PCDHA9: variants seen among roughly 807,000 people sequenced by gnomAD.
PCDHA9 encodes the protein protocadherin alpha-9.
In PCDHA9, 62 loss-of-function variants were observed where a neutral mutation model predicts 62.0. The observed-to-expected ratio is 1.00, with a 90% CI of 0.81 to 1.23. The LOEUF is 1.23. Among genes scored for constraint, PCDHA9 ranks in the 50% most tolerant of loss-of-function variants. PCDHA9 has a pLI of 0.00. For missense variants in PCDHA9, 1,205 were observed against 1,249.8 expected (o/e 0.96, Z 0.54); for synonymous variants, 557 against 567.6 (o/e 0.98, Z 0.27).
intron 1 of PCDHA9, among the ~76,000 whole-genome samples, chr5:140,915,626 G>GTTTCTC (rs149393620): frequency 6.8e-6 from 1 of 146,436 alleles, no homozygotes; most frequent in African/African-American, 2.5e-5. Context: ...GTCTCTTTCT[G>GTTTCTC]TCTCTCTCTC....
intron 1 of PCDHA9, 126 bp downstream of exon 1, chr5:140,851,015 G>A: frequency 2.1e-6 from 3 of 1,432,294 alleles, no homozygotes; most frequent in Non-Finnish European, 1.8e-6. Context: ...TTTTTTTTCT[G>A]ATAAAGTAAA....
At chr5:140,983,583 CT>C (rs2153831802) in intron 3 of PCDHA9, among the ~76,000 whole-genome samples, 1 of 152,306 alleles carries the variant, frequency 6.6e-6, no homozygotes, top group African/African-American at 2.4e-5. Context: ...TTTATTACAT[CT>C]ATTCTACATA....
chr5:140,889,923 C>T (rs1225073810), intron 1 of PCDHA9, among the ~76,000 whole-genome samples: 1 of 152,184 alleles, frequency 6.6e-6, no homozygotes, highest in African/African-American at 2.4e-5. Flanking sequence ...TGTAAAGAAG[C>T]TCAAGCTGGA....
chr5:140,850,940 A>G (rs2150503150), intron 1 of PCDHA9, 51 bp downstream of exon 1: 2 of 1,507,156 alleles, frequency 1.3e-6, no homozygotes, highest in East Asian at 2.3e-5. Context: ...TTCTTGAAAG[A>G]TATTATCGAT....
intron 3 of PCDHA9, among the ~76,000 whole-genome samples, chr5:140,993,009 G>C (rs1228975075): frequency 3.9e-5 from 6 of 152,172 alleles, no homozygotes; most frequent in Non-Finnish European, 8.8e-5. Flanking sequence ...CCTCCCCAGA[G>C]TCCAGCATCC....
intron 1 of PCDHA9, among the ~76,000 whole-genome samples, chr5:140,959,868 C>A (rs532801353): frequency 8.5e-5 from 13 of 152,248 alleles, no homozygotes; most frequent in African/African-American, 2.9e-4. Flanking sequence ...GTAGCAAAAT[C>A]TGTCAAGGAA....
intron 1 of PCDHA9, among the ~76,000 whole-genome samples, chr5:140,871,878 C>T (rs1390055446): frequency 6.6e-6 from 1 of 152,222 alleles, no homozygotes; most frequent in Non-Finnish European, 1.5e-5. Context: ...TTTAAATTTG[C>T]TCCTCTTTGT....
intron 1 of PCDHA9, chr5:140,877,641 C>A: frequency 6.2e-7 from 1 of 1,613,592 alleles, no homozygotes; most frequent in Non-Finnish European, 8.5e-7. Flanking sequence ...CGCTGCGTTG[C>A]TCAGCGCCGC....
At chr5:140,954,831 C>CCT (rs2095096167) in intron 1 of PCDHA9, among the ~76,000 whole-genome samples, 1 of 152,116 alleles carries the variant, frequency 6.6e-6, no homozygotes, top group Admixed American at 6.5e-5. Flanking sequence ...GCACTTTTGT[C>CCT]ATGAAATCTT....
chr5:140,960,588 T>A (rs2095557494), intron 1 of PCDHA9, among the ~76,000 whole-genome samples: 1 of 152,166 alleles, frequency 6.6e-6, no homozygotes, highest in African/African-American at 2.4e-5. Flanking sequence ...ACAGTTCAAA[T>A]TCAAGGTACT....
Position 140,850,434 on chromosome 5 carries a change from C to G in PCDHA9, c.1939C>G (p.Leu647Val), listed in dbSNP as rs2150484212. The part of the protein sequence containing the change: ...LDETDAPRQR[L>V]LVLVKDHGEP... ...CGAAACGGACGCACCGCGCCAGCGC[C>G]TACTGGTGCTGGTGAAAGACCACGG... The change falls in exon 1 of 4, where the codon CTA becomes GTA. Residue 647 changes from leucine to valine, a missense_variant. Around this residue, in one of 3 missense-constraint regions of PCDHA9, gnomAD observed 887 missense variants for 809.5 expected, o/e 1.10. Coordinates refer to ENST00000532602, the MANE Select transcript of PCDHA9 (RefSeq NM_031857.2). 12 of 1,598,008 alleles carry G rather than the reference C, an allele frequency of 7.5e-6. No individual in the cohort carries two copies. In the Admixed American group the frequency reaches 1.9e-4, roughly 25 times the overall value.
chr5:140,889,120 T>G (rs1335268200), intron 1 of PCDHA9, among the ~76,000 whole-genome samples: 1 of 151,966 alleles, frequency 6.6e-6, no homozygotes, highest in Non-Finnish European at 1.5e-5. Context: ...CAGGTGATAC[T>G]GATATGTCCT....
chr5:140,850,369 G>T lies in PCDHA9; in HGVS notation c.1874G>T (p.Gly625Val). ...AGCGCGAGCATCCCGTTCCGCGTGG[G>T]GCTGTACACGGGCGAGATCAGCACA... is the stretch of plus-strand genomic sequence containing the variant. Reference protein sequence around the residue: ...TASASIPFRVGLYTGEISTTR... With the variant: ...TASASIPFRVVLYTGEISTTR... Residue 625 changes from glycine (G) to valine (V), a missense_variant, in exon 1 of 4, where the codon GGG becomes GTG. Gly to Val is a moderately radical substitution (Grantham distance 109). This residue lies in a region of PCDHA9 where 887 missense variants were observed against 809.5 expected (regional missense o/e 1.10). Coordinates refer to ENST00000532602, the MANE Select transcript of PCDHA9 (RefSeq NM_031857.2). 6.3e-7 allele frequency: 1 copy of T among 1,597,922 alleles called. No individual in the cohort carries two copies. Among genetic ancestry groups the T allele is most frequent in the Non-Finnish European group, 8.6e-7 (1 of 1,167,668 alleles).
chr5:140,967,810 C>T, intron 1 of PCDHA9: 1 of 1,614,176 alleles, frequency 6.2e-7, no homozygotes, highest in Non-Finnish European at 8.5e-7. Context: ...TGGCAGGTCA[C>T]TGCAAGGTGC....
chr5:140,943,525 T>C (rs891940980), intron 1 of PCDHA9, among the ~76,000 whole-genome samples: 7 of 152,148 alleles, frequency 4.6e-5, no homozygotes, highest in African/African-American at 7.2e-5. Flanking sequence ...GAGTTCAGTA[T>C]GCAAAATGTC....
Position 140,848,396 on chromosome 5 carries a change from G to A in PCDHA9, c.-100G>A. 7.8e-7 allele frequency: 1 copy of A among 1,284,596 alleles called. No individual in the cohort carries two copies. The highest frequency in any genetic ancestry group is 1.1e-6 in the Non-Finnish European group (1 of 918,908). The allele number at this position is 1,284,596 out of a possible 1,614,324, so 79.6% of individuals were successfully genotyped here. A position where few individuals can be genotyped will look rare whatever the true frequency, so the allele number is the denominator to read the frequency against. ...AATTCTTTTTCACTCTCTCTGTGCT[G>A]AACGATGGCGAACACAGCAGAATGG... On this transcript the variant is annotated 5_prime_UTR_variant, in exon 1 of 4. Coordinates refer to ENST00000532602, the MANE Select transcript of PCDHA9 (RefSeq NM_031857.2).
At chr5:140,995,235 A>G (rs1313042272) in intron 3 of PCDHA9, among the ~76,000 whole-genome samples, 1 of 152,188 alleles carries the variant, frequency 6.6e-6, no homozygotes, top group Non-Finnish European at 1.5e-5. Flanking sequence ...TGGGGCCAGT[A>G]TTAAGTAAAA....
chr5:140,862,161 C>G (rs1463036699), intron 1 of PCDHA9: 1 of 163,458 alleles, frequency 6.1e-6, no homozygotes, highest in African/African-American at 2.4e-5. Context: ...ATGAAAGATT[C>G]AAATACAGGC....
At position 140,856,827 on chromosome 5, in the gene PCDHA9, T is replaced by C. The variant is rs1201833720; in HGVS notation, c.2394+5938T>C. 4.4e-6 allele frequency: 7 copies of C among 1,592,096 alleles called. 1 individual carries two copies. The African/African-American group carries it at 5.4e-5, about 12-fold the overall frequency. ...GAAAATCAAGTGAACCAAACATTAG[T>C]AATACGGCTCAACGCTTCTGATTCG... is the stretch of plus-strand genomic sequence containing the variant. On this transcript the variant is annotated intron_variant, in intron 1 of 3. Transcript: ENST00000532602.
Sources: gnomAD v4.1 joint callset for allele counts (sites outside exome capture counted in the v4.1 genomes callset) on GRCh38, gnomAD v4.1.1 for gene constraint, gnomAD v4.1.1 regional missense constraint, MANE v1.5 for transcripts, NCBI Gene and HGNC (gene_info 2026-07-23, HGNC 2026-07-21) for gene names.